The following RNPC3 variants were observed in gnomAD, a reference collection of about 807,000 sequenced individuals.
RNPC3 encodes RNA-binding region-containing protein 3.
RNPC3 carries 48 observed loss-of-function variants against 67.5 expected under a neutral mutation model. The observed-to-expected ratio is 0.71, with a 90% CI of 0.56 to 0.90. RNPC3 has a LOEUF of 0.90. Ranked by LOEUF, RNPC3 falls within the 40% of genes least tolerant of loss-of-function variation. RNPC3 has a pLI of 0.00. For synonymous variants in RNPC3, 239 were observed against 210.3 expected, an observed-to-expected ratio of 1.14 and a Z score of -1.18; for missense variants, 637 against 626.1, an observed-to-expected ratio of 1.02 and a Z score of -0.19.
intron 9 of RNPC3, among the ~76,000 whole-genome samples, chr1:103,544,644 G>A (rs1436142181): frequency 6.6e-6 from 1 of 151,782 alleles, no homozygotes; most frequent in Non-Finnish European, 1.5e-5. Context: ...ATCTTGGATG[G>A]TGAGTGAGAA....
At chr1:103,531,227 A>AT (rs1177064654) in intron 2 of RNPC3, among the ~76,000 whole-genome samples, 3 of 152,120 alleles carry the variant, frequency 2.0e-5, no homozygotes, top group African/African-American at 7.2e-5. Context: ...TATATACCAT[A>AT]ATTTCTTTAT....
chr1:103,542,714 A>T (rs1651150235), intron 8 of RNPC3, among the ~76,000 whole-genome samples: 1 of 151,732 alleles, frequency 6.6e-6, no homozygotes, highest in East Asian at 1.9e-4. Context: ...TTGAATCTTT[A>T]TAGTGACACT....
chr1:103,541,996 G>A (rs929018573), intron 8 of RNPC3, among the ~76,000 whole-genome samples: 1 of 151,984 alleles, frequency 6.6e-6, no homozygotes, highest in African/African-American at 2.4e-5. Flanking sequence ...TAACCCGAGT[G>A]CCTTTAAGTA....
chr1:103,540,219 A>C (rs776908146), intron 7 of RNPC3, among the ~76,000 whole-genome samples: 1 of 152,204 alleles, frequency 6.6e-6, no homozygotes, highest in African/African-American at 2.4e-5. Flanking sequence ...TTCATGTACA[A>C]AATTATTAAG....
intron 12 of RNPC3, among the ~76,000 whole-genome samples, chr1:103,548,296 C>A (rs144523577): frequency 6.6e-6 from 1 of 152,074 alleles, no homozygotes; most frequent in East Asian, 1.9e-4. Context: ...GCAAATTTTC[C>A]GAACTTTTAT....
At chr1:103,543,539 C>A in intron 9 of RNPC3, 92 bp downstream of exon 9, 2 of 968,620 alleles carry the variant, frequency 2.1e-6, no homozygotes, top group Non-Finnish European at 2.8e-6. Flanking sequence ...TAGTATTTGT[C>A]AACTTTATTT....
At chr1:103,526,630 A>G (rs1055665949) in intron 1 of RNPC3, among the ~76,000 whole-genome samples, 3 of 152,212 alleles carry the variant, frequency 2.0e-5, no homozygotes, top group African/African-American at 7.2e-5. Flanking sequence ...GGGATTTTTT[A>G]AAGTCCTACT....
intron 7 of RNPC3, 34 bp from the exon 8 acceptor site, chr1:103,541,316 G>A (rs1210157549): frequency 6.9e-7 from 1 of 1,458,854 alleles, no homozygotes; most frequent in Non-Finnish European, 9.0e-7. Context: ...TTCTAGAAAG[G>A]AAATTTTGTT....
rs761643664 is a variant in RNPC3, at chr1:103,543,351, G to A, written c.949G>A (p.Gly317Ser). The stretch of plus-strand genomic sequence containing the variant: ...TGTATTTGACCAACCACAACCTGTA[G>A]GTAACAAAAGAATTGAATTCCATAT... ...SDVFDQPQPVGNKRIEFHIST... is the reference protein window; with the variant it reads ...SDVFDQPQPVSNKRIEFHIST... The change falls in exon 9 of 15, where the codon GGT becomes AGT. Residue 317 changes from glycine to serine, a missense_variant. Transcript: ENST00000423855. 1.7e-5 allele frequency: 26 copies of A among 1,513,368 alleles called. No homozygotes were observed. The highest frequency in any genetic ancestry group is 5.6e-5 in the African/African-American group (4 of 71,418). The allele number at this position is 1,513,368 out of a possible 1,614,324, so 93.7% of individuals were successfully genotyped here. A position where few individuals can be genotyped will look rare whatever the true frequency, so the allele number is the denominator to read the frequency against.
Position 103,526,101 on chromosome 1 carries a change from T to C in RNPC3, c.31T>C (p.Ser11Pro). 3 of 1,549,520 alleles carry C rather than the reference T, an allele frequency of 1.9e-6. No individual in the cohort carries two copies. The highest frequency in any genetic ancestry group is 2.5e-5 in the East Asian group (1 of 40,762). The change falls in exon 1 of 15, where the codon TCA becomes CCA. Residue 11 changes from serine to proline, a missense_variant. Ser to Pro is a moderately conservative substitution (Grantham distance 74). Coordinates refer to ENST00000423855, the MANE Select transcript of RNPC3 (RefSeq NM_017619.4). ...AGCTCCCGAGCAGCCGCTTGCGATA[T>C]CAAGGGGATGCACGAGCTCCTCCTC... MAAPEQPLAISRGCTSSSSLS... is the reference protein window; with the variant it reads MAAPEQPLAIPRGCTSSSSLS...
chr1:103,545,075 T>C lies in RNPC3; in HGVS notation c.1180T>C (p.Leu394=), dbSNP rs1450062190. Residue 394 remains leucine, a synonymous_variant, in exon 10 of 15, where the codon TTG becomes CTG. Transcript: ENST00000423855. ...TTCAGAATGTATTTCTAGAAGGGAA[T>C]TGGAAAAGGGCAGAATTTCTAGAGA... ...MPSECISRRE[L]EKGRISREEM... 8 of 1,533,388 alleles carry C rather than the reference T, an allele frequency of 5.2e-6. No homozygotes were observed. The highest frequency in any genetic ancestry group is 7.0e-6 in the Non-Finnish European group (8 of 1,144,944). The allele number at this position is 1,533,388 out of a possible 1,614,324, so 95.0% of individuals were successfully genotyped here. A position where few individuals can be genotyped will look rare whatever the true frequency, so the allele number is the denominator to read the frequency against.
At position 103,541,446 on chromosome 1, in the gene RNPC3, G is replaced by A; in HGVS notation, c.864G>A (p.Met288Ile). Residue 288 changes from methionine to isoleucine, a missense_variant, in exon 8 of 15, where the codon ATG becomes ATA. This residue lies in a region of RNPC3 where 536 missense variants were observed against 500.3 expected (regional missense o/e 1.07). Transcript: ENST00000423855. ...HVRKKRKIKD[M>I]LNTPLCPSHS... ...GAAAAAAGAGAAAAATAAAGGATAT[G>A]TTGAATACACCTTTGTGTCCTTCAC... 1 of 1,496,102 alleles carries A rather than the reference G, an allele frequency of 6.7e-7. No homozygotes were observed. Among genetic ancestry groups the A allele is most frequent in the Non-Finnish European group, 8.8e-7 (1 of 1,132,622 alleles). The allele number at this position is 1,496,102 out of a possible 1,614,324, so 92.7% of individuals were successfully genotyped here.
At chr1:103,540,133 C>G (rs575491107) in intron 7 of RNPC3, among the ~76,000 whole-genome samples, 87 of 152,328 alleles carry the variant, frequency 5.7e-4, no homozygotes, top group Non-Finnish European at 9.8e-4. Context: ...TCCCAAAGTG[C>G]TGGGATTATA....
intron 9 of RNPC3, among the ~76,000 whole-genome samples, 172 bp from the exon 10 acceptor site, chr1:103,544,769 A>G (rs1399532329): frequency 1.3e-5 from 2 of 149,586 alleles, no homozygotes; most frequent in Non-Finnish European, 3.0e-5. Context: ...TTTTTTTACT[A>G]TTTGGACCTT....
intron 3 of RNPC3, 73 bp downstream of exon 3, chr1:103,533,930 TTATTG>T (rs1650924783): frequency 1.3e-6 from 1 of 799,850 alleles, no homozygotes; most frequent in Non-Finnish European, 2.0e-6. Context: ...AGTTATACAG[TTATTG>T]TATTGTTTTC....
rs554015603 is a variant in RNPC3, at chr1:103,543,032, A to G, written c.894-264A>G. ...AGAGTCATCAAATCCCTTCTCTGTC[A>G]TTTACAGAATGACCTTATACAAATT... On this transcript the variant is annotated intron_variant, in intron 8 of 14. Coordinates refer to ENST00000423855, the MANE Select transcript of RNPC3 (RefSeq NM_017619.4). Among the ~76,000 whole-genome samples, 19 of 151,792 alleles carry G rather than the reference A, an allele frequency of 1.3e-4. No homozygotes were observed. The South Asian group carries it at 1.9e-3, about 15-fold the overall frequency.
chr1:103,545,816 T>A (rs1651228902), intron 10 of RNPC3: 1 of 152,358 alleles, frequency 6.6e-6, no homozygotes, highest in South Asian at 2.1e-4. Context: ...AAATTCACTT[T>A]AAGCAAAATA....
At chr1:103,531,142 C>T (rs1650848505) in intron 2 of RNPC3, among the ~76,000 whole-genome samples, 1 of 152,106 alleles carries the variant, frequency 6.6e-6, no homozygotes, top group African/African-American at 2.4e-5. Context: ...AATGGTCTCC[C>T]ATTCCATCTA....
chr1:103,544,753 A>AT (rs944663279), intron 9 of RNPC3, among the ~76,000 whole-genome samples, 188 bp from the exon 10 acceptor site: 56 of 146,916 alleles, frequency 3.8e-4, no homozygotes, highest in South Asian at 1.1e-3. Flanking sequence ...CTTTAACAAA[A>AT]TTTTTTTTTT....
Sources: gnomAD v4.1 joint callset for allele counts (sites outside exome capture counted in the v4.1 genomes callset) on GRCh38, gnomAD v4.1.1 for gene constraint, gnomAD v4.1.1 regional missense constraint, MANE v1.5 for transcripts, NCBI Gene and HGNC (gene_info 2026-07-23, HGNC 2026-07-21) for gene names.